The following ARSB variants were observed in gnomAD, a reference collection of about 807,000 sequenced individuals.
The protein encoded by ARSB is arylsulfatase B.
A neutral mutation model predicts 50.9 loss-of-function variants in ARSB; 41 were observed. The ratio of observed to expected loss-of-function variants is 0.81; its 90% CI spans 0.63 to 1.04. ARSB has a LOEUF of 1.04. Among genes scored for constraint, ARSB ranks in the 50% least tolerant of loss-of-function variants. The pLI, the probability that ARSB is intolerant of heterozygous loss-of-function variation, is 0.00. For missense variants in ARSB, 672 were observed against 693.3 expected, an observed-to-expected ratio of 0.97 and a Z score of 0.35; for synonymous variants, 269 against 284.8, an observed-to-expected ratio of 0.94 and a Z score of 0.56.
Position 78,839,377 on chromosome 5 carries a change from T to A in ARSB, c.1192A>T (p.Asn398Tyr), listed in dbSNP as rs764103420. The A allele has an allele frequency of 1.2e-6, 2 of 1,613,832 alleles. No homozygotes were observed. Among genetic ancestry groups the A allele is most frequent in the Non-Finnish European group, 1.7e-6 (2 of 1,179,832 alleles). The change falls in exon 6 of 8, where the codon AAC becomes TAC. Residue 398 changes from asparagine (N) to tyrosine (Y), a missense_variant. Physicochemically the swap from Asn to Tyr is moderately radical, Grantham distance 143. Transcript: ENST00000264914. Reference sequence around the variant, plus strand: ...TCACACGGTGAAGAGTCCACGAAGTTCGGGTCAATATTATGCAGCAGCTCA... The same window carrying A: ...TCACACGGTGAAGAGTCCACGAAGTACGGGTCAATATTATGCAGCAGCTCA... ...RIELLHNIDP[N>Y]FVDSSPCPRN...
chr5:78,843,051 G>A (rs904848258), intron 5 of ARSB, among the ~76,000 whole-genome samples: 16 of 152,248 alleles, frequency 1.1e-4, no homozygotes, highest in African/African-American at 2.2e-4. Context: ...TCTCATACCC[G>A]TAAGATCACT....
chr5:78,917,300 A>G (rs1295412937), intron 4 of ARSB, among the ~76,000 whole-genome samples: 3 of 152,224 alleles, frequency 2.0e-5, no homozygotes, highest in Non-Finnish European at 2.9e-5. Flanking sequence ...AGCTAAATGC[A>G]TAAAGCACAA....
At chr5:78,812,610 C>CACACAA (rs1159255960) in intron 6 of ARSB, among the ~76,000 whole-genome samples, 1 of 150,104 alleles carries the variant, frequency 6.7e-6, no homozygotes, top group African/African-American at 2.4e-5. Context: ...CACACACACA[C>CACACAA]ACACACACAC....
chr5:78,922,382 A>T (rs941158832), intron 4 of ARSB, among the ~76,000 whole-genome samples: 1 of 151,344 alleles, frequency 6.6e-6, no homozygotes, highest in Non-Finnish European at 1.5e-5. Context: ...AGGGCACCAG[A>T]CAGAGTCCTG....
chr5:78,781,634 A>C (rs1381774327), intron 7 of ARSB, among the ~76,000 whole-genome samples: 2 of 152,158 alleles, frequency 1.3e-5, no homozygotes, highest in Non-Finnish European at 2.9e-5. Context: ...TATCTGAGCA[A>C]AGTGAGGTAA....
chr5:78,973,877 T>C (rs1752556339), intron 1 of ARSB, among the ~76,000 whole-genome samples: 1 of 152,220 alleles, frequency 6.6e-6, no homozygotes, highest in African/African-American at 2.4e-5. Flanking sequence ...TATCCTCATG[T>C]GCCCACATAT....
intron 4 of ARSB, among the ~76,000 whole-genome samples, chr5:78,933,742 C>T (rs1750451298): frequency 6.6e-6 from 1 of 152,166 alleles, no homozygotes; most frequent in Non-Finnish European, 1.5e-5. Context: ...CAAAGATGTC[C>T]TAACCTCAGA....
chr5:78,780,547 T>A lies in ARSB; in HGVS notation c.1452A>T (p.Arg484Ser). Residue 484 changes from arginine to serine, a missense_variant, in exon 8 of 8, where the codon AGA (arginine) becomes AGT (serine). Arg to Ser is a moderately radical substitution (Grantham distance 110, BLOSUM62 -1). Coordinates refer to ENST00000264914, the MANE Select transcript of ARSB (RefSeq NM_000046.5). ...LFDIDRDPEE[R>S]HDLSREYPHI... is the part of the protein sequence containing the mutation. Reference sequence around the variant, plus strand: ...GAGGATATTCTCTGGACAGGTCATGTCTTTCTTCAGGGTCCCGATCAATAT... The same window carrying A: ...GAGGATATTCTCTGGACAGGTCATGACTTTCTTCAGGGTCCCGATCAATAT... 4 of 1,614,140 alleles carry A rather than the reference T, an allele frequency of 2.5e-6. No individual in the cohort carries two copies. The highest frequency in any genetic ancestry group is 3.4e-6 in the Non-Finnish European group (4 of 1,180,018).
intron 5 of ARSB, among the ~76,000 whole-genome samples, chr5:78,874,308 A>G (rs1210926437): frequency 6.6e-6 from 1 of 152,236 alleles, no homozygotes; most frequent in African/African-American, 2.4e-5. Context: ...AAACTAAAAC[A>G]AAATTGTGGA....
In ARSB at chr5:78,970,240, TATATC is replaced by T. The variant is rs368324649; in HGVS notation, c.313-1053_313-1049del. 1.1e-3 allele frequency among the ~76,000 whole-genome samples: 171 copies of T among 152,320 alleles called. 1 individual carries two copies. The highest frequency in any genetic ancestry group is 4.0e-3 in the African/African-American group (166 of 41,584). Reference sequence around the variant, plus strand: ...TTTCTTCAACTTTTACTAAAAATAATATATCATAACAGGTTAAATGCAGAAGCAGA... The same window carrying T: ...TTTCTTCAACTTTTACTAAAAATAATATAACAGGTTAAATGCAGAAGCAGA... On this transcript the variant is annotated intron_variant, in intron 1 of 7. Transcript: ENST00000264914.
intron 6 of ARSB, among the ~76,000 whole-genome samples, chr5:78,791,354 T>C (rs1749231044): frequency 6.6e-6 from 1 of 152,242 alleles, no homozygotes; most frequent in Non-Finnish European, 1.5e-5. Flanking sequence ...GTAAATCAAA[T>C]GTGTCTCTTA....
At chr5:78,788,583 A>AT (rs1178998108) in intron 6 of ARSB, among the ~76,000 whole-genome samples, 2 of 152,078 alleles carry the variant, frequency 1.3e-5, no homozygotes, top group East Asian at 3.8e-4. Flanking sequence ...ACTTCTCTAC[A>AT]TTTTTTTAAT....
At chr5:78,852,676 C>T (rs1451719446) in intron 5 of ARSB, among the ~76,000 whole-genome samples, 6 of 152,164 alleles carry the variant, frequency 3.9e-5, no homozygotes, top group East Asian at 1.9e-4. Context: ...CCATTCTCCC[C>T]GTCACTTTCA....
chr5:78,982,045 T>C lies in ARSB; in HGVS notation c.312+2892A>G, dbSNP rs1352158525. 2.3e-5 allele frequency among the ~76,000 whole-genome samples: 2 copies of C among 85,616 alleles called. 1 individual carries two copies. Among genetic ancestry groups the C allele is most frequent in the Admixed American group, 3.1e-4 (2 of 6,512 alleles). The allele number at this position is 85,616 out of a possible 152,430, so 56.2% of individuals were successfully genotyped here. ...TTCACGCCATTCTCCTGCCTCAGCC[T>C]CCCGAGTAGCTGGGACTACAGGCGC... On this transcript the variant is annotated intron_variant, in intron 1 of 7. Transcript: ENST00000264914.
chr5:78,955,553 T>C lies in ARSB; in HGVS notation c.691-51A>G, dbSNP rs1399649773. ...GTTAAGAGGATATTGAAGCATTAAA[T>C]ATAGAAGGATAAGACAGTTCAGATT... On this transcript the variant is annotated intron_variant, in intron 3 of 7. Transcript: ENST00000264914. 2.1e-6 allele frequency: 3 copies of C among 1,436,852 alleles called. No homozygotes were observed. The South Asian group carries it at 3.4e-5, about 16-fold the overall frequency. The allele number at this position is 1,436,852 out of a possible 1,614,324, so 89.0% of individuals were successfully genotyped here. A position where few individuals can be genotyped will look rare whatever the true frequency, so the allele number is the denominator to read the frequency against.
chr5:78,793,802 T>A (rs1280195008), intron 6 of ARSB, among the ~76,000 whole-genome samples: 1 of 152,076 alleles, frequency 6.6e-6, no homozygotes, highest in Non-Finnish European at 1.5e-5. Context: ...CCTTGATTAG[T>A]CTAGGGAAAG....
Position 78,885,672 on chromosome 5 carries a change from C to CAA in ARSB, c.1053_1054insTT (p.Asp352LeufsTer8). ...AGCTTCACGAGTGTTGGCAGCCAGTCAGAGATGTGGATGAGCTCCCGGTTC... is the reference window on the plus strand; with the variant it reads ...AGCTTCACGAGTGTTGGCAGCCAGTCAAAGAGATGTGGATGAGCTCCCGGTTC... On this transcript the variant is annotated frameshift_variant, in exon 5 of 8. Coordinates refer to ENST00000264914, the MANE Select transcript of ARSB (RefSeq NM_000046.5). LOFTEE classifies it high-confidence loss of function. 2 of 1,614,076 alleles carry CAA rather than the reference C, an allele frequency of 1.2e-6. No homozygotes were observed. Among genetic ancestry groups the CAA allele is most frequent in the Non-Finnish European group, 1.7e-6 (2 of 1,180,024 alleles).
At chr5:78,978,964 A>G (rs1752785006) in intron 1 of ARSB, among the ~76,000 whole-genome samples, 1 of 152,244 alleles carries the variant, frequency 6.6e-6, no homozygotes, top group African/African-American at 2.4e-5. Flanking sequence ...GCAACCAAAG[A>G]AAAATAGGTA....
At chr5:78,862,240 T>G (rs546221309) in intron 5 of ARSB, among the ~76,000 whole-genome samples, 2 of 152,286 alleles carry the variant, frequency 1.3e-5, no homozygotes, top group East Asian at 3.9e-4. Context: ...ACCAATGACT[T>G]TCTTCACAGA....
Sources: allele counts gnomAD v4.1 joint callset (sites outside exome capture counted in the v4.1 genomes callset), GRCh38; gene constraint gnomAD v4.1.1; transcripts MANE v1.5; gene names NCBI Gene and HGNC (gene_info 2026-07-23, HGNC 2026-07-21).